IQCE: variants seen among roughly 807,000 people sequenced by gnomAD.
The protein encoded by IQCE is IQ motif containing E.
A neutral mutation model predicts 96.0 loss-of-function variants in IQCE; 115 were observed. The observed-to-expected ratio is 1.20, with a 90% CI of 1.03 to 1.40. The LOEUF is 1.40. IQCE is among the 40% of genes most tolerant of loss of function. The probability of loss-of-function intolerance (pLI) is 0.00; values close to 1 mark genes in which losing one functional copy is unlikely to be tolerated. For missense variants in IQCE, 1,041 were observed against 909.1 expected (o/e 1.15, Z -1.87); for synonymous variants, 412 against 371.2 (o/e 1.11, Z -1.26).
chr7:2,562,251 T>C (rs775276208), intron 1 of IQCE, among the ~76,000 whole-genome samples: 26 of 151,738 alleles, frequency 1.7e-4, no homozygotes, highest in Non-Finnish European at 4.4e-5. Flanking sequence ...TGTGTGTGTG[T>C]GCACATAAAT....
intron 13 of IQCE, among the ~76,000 whole-genome samples, chr7:2,588,117 G>A (rs1027456731): frequency 1.3e-5 from 2 of 152,208 alleles, no homozygotes; most frequent in Non-Finnish European, 1.5e-5. Flanking sequence ...TCGCACTGGA[G>A]CCCCTCACAG....
At chr7:2,587,005 G>A (rs1583458250) in intron 12 of IQCE, among the ~76,000 whole-genome samples, 1 of 152,324 alleles carries the variant, frequency 6.6e-6, no homozygotes, top group East Asian at 1.9e-4. Context: ...AGGCTTCTGC[G>A]CTTGTCTAGT....
intron 14 of IQCE, among the ~76,000 whole-genome samples, chr7:2,591,742 T>A (rs1783603948): frequency 6.6e-6 from 1 of 150,692 alleles, no homozygotes; most frequent in African/African-American, 2.4e-5. Context: ...TGCCTCAGCC[T>A]CCCAAGTAGC....
At chr7:2,578,171 G>C in intron 6 of IQCE, 71 bp from the exon 7 acceptor site, 2 of 1,179,512 alleles carry the variant, frequency 1.7e-6, no homozygotes, top group Admixed American at 3.4e-5. Flanking sequence ...GTGGCTGTGT[G>C]CGCGGGGACG....
intron 1 of IQCE, among the ~76,000 whole-genome samples, chr7:2,565,123 CATGTGTGT>C (rs1781268797): frequency 1.6e-5 from 2 of 123,084 alleles, no homozygotes; most frequent in African/African-American, 3.9e-5. Context: ...TGCATGTGTG[CATGTGTGT>C]GAGTGTGTGT....
intron 1 of IQCE, among the ~76,000 whole-genome samples, chr7:2,561,394 A>G (rs1184416911): frequency 6.6e-6 from 1 of 151,784 alleles, no homozygotes; most frequent in Non-Finnish European, 1.5e-5. Context: ...ATTTCATTTC[A>G]GCTTATTTAC....
intron 12 of IQCE, among the ~76,000 whole-genome samples, chr7:2,587,191 T>C (rs1157175493): frequency 2.6e-5 from 4 of 152,092 alleles, no homozygotes; most frequent in African/African-American, 9.6e-5. Flanking sequence ...AGAGTTGCTA[T>C]TTCCTGAGAT....
intron 18 of IQCE, among the ~76,000 whole-genome samples, chr7:2,602,864 C>G (rs530442876): frequency 3.7e-4 from 56 of 152,344 alleles, no homozygotes; most frequent in African/African-American, 1.3e-3. Context: ...CTGCGCGCAG[C>G]TGCAGTGGGA....
intron 6 of IQCE, among the ~76,000 whole-genome samples, chr7:2,574,218 A>G (rs940688910): frequency 3.3e-5 from 5 of 152,252 alleles, no homozygotes; most frequent in Non-Finnish European, 5.9e-5. Context: ...TTATACAGCT[A>G]CTGTCTCCAC....
At chr7:2,573,174 G>T (rs192732745) in intron 5 of IQCE, among the ~76,000 whole-genome samples, 2 of 152,030 alleles carry the variant, frequency 1.3e-5, no homozygotes, top group Non-Finnish European at 2.9e-5. Flanking sequence ...CATGAAACTT[G>T]GTCTTCACAT....
chr7:2,575,687 C>G (rs1010532374), intron 6 of IQCE, among the ~76,000 whole-genome samples: 1 of 152,234 alleles, frequency 6.6e-6, no homozygotes, highest in Non-Finnish European at 1.5e-5. Flanking sequence ...CCTTGTCGGT[C>G]TGCTCCTCTC....
At chr7:2,580,167 C>T (rs1433574458) in intron 8 of IQCE, 1 of 152,064 alleles carries the variant, frequency 6.6e-6, no homozygotes, top group Admixed American at 6.6e-5. Flanking sequence ...CTTCAAGAAA[C>T]ATTTGCAGAT....
chr7:2,581,641 C>T (rs1483055605), intron 8 of IQCE, among the ~76,000 whole-genome samples: 2 of 152,094 alleles, frequency 1.3e-5, no homozygotes, highest in Non-Finnish European at 2.9e-5. Context: ...AGGAGTTCAA[C>T]ACCAGTCTGG....
chr7:2,560,679 C>G (rs555657393), intron 1 of IQCE, among the ~76,000 whole-genome samples: 9 of 151,370 alleles, frequency 5.9e-5, no homozygotes, highest in African/African-American at 1.9e-4. Flanking sequence ...GTCTCTTGGC[C>G]GGGCACGGCG....
At chr7:2,567,090 TAC>T (rs1562620680) in intron 1 of IQCE, 24 bp from the exon 2 acceptor site, 2 of 1,610,134 alleles carry the variant, frequency 1.2e-6, no homozygotes, top group Non-Finnish European at 8.5e-7. Context: ...GCCGTCGAGT[TAC>T]AGTGTTTGCC....
At position 2,610,121 on chromosome 7, in the gene IQCE, G is replaced by T; in HGVS notation, c.2047G>T (p.Val683Phe). 6.2e-7 allele frequency: 1 copy of T among 1,613,076 alleles called. No homozygotes were observed. Among genetic ancestry groups the T allele is most frequent in the Non-Finnish European group, 8.5e-7 (1 of 1,179,006 alleles). ...CAACTCCGATGATTCCGACGATATT[G>T]TCATTGCACCGTCTCTGCCCACGAA... ...DVNSDDSDDI[V>F]IAPSLPTKNF... Residue 683 changes from valine (V) to phenylalanine (F), a missense_variant, in exon 22 of 22, where the codon GTC becomes TTC. Physicochemically the swap from Val to Phe is conservative, Grantham distance 50. Transcript: ENST00000402050.
intron 9 of IQCE, 124 bp downstream of exon 9, chr7:2,582,774 A>G (rs922902769): frequency 1.4e-5 from 10 of 726,084 alleles, no homozygotes; most frequent in African/African-American, 1.8e-5. Context: ...CCGAAGGTGA[A>G]TGTTAGCTGC....
At chr7:2,604,843 C>T (rs1784675344) in intron 18 of IQCE, 38 bp from the exon 19 acceptor site, 3 of 1,537,588 alleles carry the variant, frequency 2.0e-6, no homozygotes, top group Non-Finnish European at 2.7e-6. Context: ...CCCGGGCACT[C>T]ACACCCACTT....
At chr7:2,599,192 C>A (rs909877620) in intron 17 of IQCE, among the ~76,000 whole-genome samples, 5 of 152,102 alleles carry the variant, frequency 3.3e-5, no homozygotes, top group Admixed American at 1.3e-4. Flanking sequence ...TCACCCTGAC[C>A]GATTTTGTTT....
Sources: gnomAD v4.1 joint callset for allele counts (sites outside exome capture counted in the v4.1 genomes callset) on GRCh38, gnomAD v4.1.1 for gene constraint, MANE v1.5 for transcripts, NCBI Gene and HGNC (gene_info 2026-07-23, HGNC 2026-07-21) for gene names.